The following RADIL variants were observed in gnomAD, a reference collection of about 807,000 sequenced individuals.
RADIL encodes the protein Rap associating with DIL domain, also known as ras-associating and dilute domain-containing protein.
Under a neutral mutation model 97.6 loss-of-function variants are expected in RADIL, and 99 were observed. The observed-to-expected ratio is 1.01, with a 90% CI of 0.86 to 1.20. The LOEUF is 1.20. Among genes scored for constraint, RADIL ranks in the 50% most tolerant of loss-of-function variants. RADIL has a pLI of 0.00. For missense variants in RADIL, 1,765 were observed against 1,498.9 expected, an observed-to-expected ratio of 1.18 and a Z score of -2.93; for synonymous variants, 803 against 691.8, an observed-to-expected ratio of 1.16 and a Z score of -2.52.
chr7:4,826,459 G>A (rs1283876782), intron 5 of RADIL, among the ~76,000 whole-genome samples: 3 of 152,078 alleles, frequency 2.0e-5, no homozygotes, highest in Non-Finnish European at 4.4e-5. Context: ...GAAGCCAGTT[G>A]TGATGGCTCA....
intron 9 of RADIL, among the ~76,000 whole-genome samples, chr7:4,812,414 CTATTTT>C (rs1368163520): frequency 2.0e-5 from 3 of 151,716 alleles, no homozygotes; most frequent in Non-Finnish European, 2.9e-5. Context: ...ATTCAACTTT[CTATTTT>C]TATTTTATTA....
chr7:4,861,858 T>TCACGTCCCCCACCAC (rs754500617), intron 2 of RADIL: 524 of 1,291,112 alleles, frequency 4.1e-4, no homozygotes, highest in Non-Finnish European at 4.7e-4. Flanking sequence ...ACCGCGACCT[T>TCACGTCCCCCACCAC]CGCGGCCGCC....
chr7:4,817,435 C>T lies in RADIL; in HGVS notation c.1616-84G>A. 8.0e-7 allele frequency: 1 copy of T among 1,246,842 alleles called. No homozygotes were observed. The highest frequency in any genetic ancestry group is 1.1e-6 in the Non-Finnish European group (1 of 895,530). The allele number at this position is 1,246,842 out of a possible 1,614,324, so 77.2% of individuals were successfully genotyped here. A position where few individuals can be genotyped will look rare whatever the true frequency, so the allele number is the denominator to read the frequency against. ...ACTCAGCCAGCCGCCAGCTCTTTCC[C>T]TGGCGCGGGCACCACCCAACGCGCC... On this transcript the variant is annotated intron_variant, in intron 6 of 14. Transcript: ENST00000399583. This position sits in a 1 kb window ranked among gnomAD's most constrained non-coding sequence, Gnocchi z 8.3.
At chr7:4,804,902 C>G (rs1241082315) in intron 10 of RADIL, among the ~76,000 whole-genome samples, 1 of 151,880 alleles carries the variant, frequency 6.6e-6, no homozygotes, top group African/African-American at 2.4e-5. Flanking sequence ...CGAGACCAGC[C>G]TGGCTAAGAT....
At chr7:4,862,013 G>C in intron 2 of RADIL, 1 of 431,856 alleles carries the variant, frequency 2.3e-6, no homozygotes, top group Non-Finnish European at 4.1e-6. Flanking sequence ...ACCCCTCAGC[G>C]GCTGCGTTCC....
chr7:4,861,587 T>C, intron 2 of RADIL: 1 of 1,611,848 alleles, frequency 6.2e-7, no homozygotes, highest in Non-Finnish European at 8.5e-7. Flanking sequence ...GCGTATCCAT[T>C]CCTTTACCAG....
chr7:4,803,441 C>A lies in RADIL; in HGVS notation c.2499+105G>T. 9 of 1,036,578 alleles carry A rather than the reference C, an allele frequency of 8.7e-6. No individual in the cohort carries two copies. The South Asian group carries it at 1.5e-4, about 18-fold the overall frequency. The allele number at this position is 1,036,578 out of a possible 1,614,324, so 64.2% of individuals were successfully genotyped here. A position where few individuals can be genotyped will look rare whatever the true frequency, so the allele number is the denominator to read the frequency against. Reference sequence around the variant, plus strand: ...CCCCCTCCCCGGGCACCTCGGGGCACGCTGGCTGGGTGGCCCCCTCCCCGG... The same window carrying A: ...CCCCCTCCCCGGGCACCTCGGGGCAAGCTGGCTGGGTGGCCCCCTCCCCGG... On this transcript the variant is annotated intron_variant, in intron 11 of 14. Transcript: ENST00000399583.
chr7:4,808,147 GTCCTTC>G (rs1782406268), intron 9 of RADIL, among the ~76,000 whole-genome samples: 1 of 74,598 alleles, frequency 1.3e-5, no homozygotes, highest in African/African-American at 6.1e-5. Context: ...TCTCTCCCCC[GTCCTTC>G]TCTCTCTCCC....
In RADIL at chr7:4,818,091, C is replaced by T. The variant is rs1782725844; in HGVS notation, c.1616-740G>A. On this transcript the variant is annotated intron_variant, in intron 6 of 14. Coordinates refer to ENST00000399583, the MANE Select transcript of RADIL (RefSeq NM_018059.5). This position sits in a 1 kb window ranked among gnomAD's most constrained non-coding sequence, Gnocchi z 7.1. ...CTCTCCTGGGACTGTGGGCGGCCAA[C>T]CACAGTGGTGTTCCCTGTCAGCCGC... Among the ~76,000 whole-genome samples the T allele has an allele frequency of 6.6e-6, 1 of 152,226 alleles. No individual in the cohort carries two copies. The highest frequency in any genetic ancestry group is 1.5e-5 in the Non-Finnish European group (1 of 68,030).
At position 4,837,379 on chromosome 7, in the gene RADIL, G is replaced by A. The variant is rs578111348; in HGVS notation, c.536-774C>T. Among the ~76,000 whole-genome samples, 3 of 152,314 alleles carry A rather than the reference G, an allele frequency of 2.0e-5. No individual in the cohort carries two copies. The East Asian group carries it at 5.8e-4, about 29-fold the overall frequency. On this transcript the variant is annotated intron_variant, in intron 2 of 14. Transcript: ENST00000399583. This position sits in a 1 kb window ranked among gnomAD's most constrained non-coding sequence, Gnocchi z 5.6. ...TCCCCTGGGGGTGGTGCTCTGACGA[G>A]ACGAGACGGACTGGTCAGCATCCTG...
intron 9 of RADIL, among the ~76,000 whole-genome samples, chr7:4,806,200 G>A (rs565749202): frequency 5.3e-5 from 8 of 152,294 alleles, no homozygotes; most frequent in Admixed American, 3.9e-4. Flanking sequence ...CGCAGGTTGG[G>A]GTGCAGTGGC....
rs1782663500 is a variant in RADIL, at chr7:4,815,825, G to A, written c.1967-375C>T. On this transcript the variant is annotated intron_variant, in intron 8 of 14. Coordinates refer to ENST00000399583, the MANE Select transcript of RADIL (RefSeq NM_018059.5). This position sits in a 1 kb window ranked among gnomAD's most constrained non-coding sequence, Gnocchi z 8.0. ...GTGGCCAGTGCTCCTGAGCCCTGCA[G>A]GTGATGGGGGAAGTCACTCCACAAG... 6.6e-6 allele frequency among the ~76,000 whole-genome samples: 1 copy of A among 152,150 alleles called. No homozygotes were observed. Among genetic ancestry groups the A allele is most frequent in the South Asian group, 2.1e-4 (1 of 4,832 alleles).
Position 4,872,310 on chromosome 7 carries a change from A to G in RADIL, c.535+5295T>C, listed in dbSNP as rs1045981424. Among the ~76,000 whole-genome samples the G allele has an allele frequency of 2.0e-5, 3 of 152,336 alleles. No individual in the cohort carries two copies. Among genetic ancestry groups the G allele is most frequent in the Admixed American group, 6.5e-5 (1 of 15,308 alleles). ...CCAGGGACACTGCTCATCGCCCTGC[A>G]ACCACGGACGCCTCCCTCAGCAAAG... On this transcript the variant is annotated intron_variant, in intron 2 of 14. Transcript: ENST00000399583. This position sits in a 1 kb window ranked among gnomAD's most constrained non-coding sequence, Gnocchi z 5.8.
chr7:4,812,380 A>G (rs909774808), intron 9 of RADIL, among the ~76,000 whole-genome samples: 1 of 152,100 alleles, frequency 6.6e-6, no homozygotes, highest in African/African-American at 2.4e-5. Flanking sequence ...TTTTTCTGAT[A>G]CTAGCAATTG....
intron 2 of RADIL, chr7:4,865,513 T>C (rs1039935821): frequency 5.1e-6 from 4 of 783,624 alleles, no homozygotes; most frequent in Non-Finnish European, 9.4e-6. Flanking sequence ...TTAGCAACTA[T>C]GCGCAGCCAA....
chr7:4,860,548 T>C (rs763052915), intron 2 of RADIL: 1 of 1,614,222 alleles, frequency 6.2e-7, no homozygotes, highest in Non-Finnish European at 8.5e-7. Flanking sequence ...GTGCTGGAAA[T>C]GACTGTGGAT....
rs1159842481 is a variant in RADIL, at chr7:4,809,034, C to T, written c.2140-3318G>A. The stretch of plus-strand genomic sequence containing the variant: ...CGCCACTGCCCCCCCTTGTCCCCTT[C>T]CGACGCCACTGCCCCCCCGTTCCAA... On this transcript the variant is annotated intron_variant, in intron 9 of 14. Transcript: ENST00000399583. 36 of 845,882 alleles carry T rather than the reference C, an allele frequency of 4.3e-5. 1 individual carries two copies. Among genetic ancestry groups the T allele is most frequent in the Non-Finnish European group, 4.9e-5 (35 of 717,134 alleles). The allele number at this position is 845,882 out of a possible 1,614,324, so 52.4% of individuals were successfully genotyped here. A position where few individuals can be genotyped will look rare whatever the true frequency, so the allele number is the denominator to read the frequency against.
rs34277804 is a variant in RADIL, at chr7:4,805,409, CGGG to C, written c.2290+154_2290+156del. ...TCCCCAGGTTGGGGATGGGGCGGGG[CGGG>C]GGGGTCCTCTGGGTGGAGGCTCCTC... is the stretch of plus-strand genomic sequence containing the variant. On this transcript the variant is annotated intron_variant, in intron 10 of 14. Coordinates refer to ENST00000399583, the MANE Select transcript of RADIL (RefSeq NM_018059.5). 4,395 of 477,548 alleles carry C rather than the reference CGGG, an allele frequency of 9.2e-3. 259 individuals carry two copies. In the Admixed American group the frequency reaches 0.16, roughly 17 times the overall value. 29.6% of individuals were successfully genotyped at this position (477,548 alleles called of 1,614,324 possible). A position where few individuals can be genotyped will look rare whatever the true frequency, so the allele number is the denominator to read the frequency against.
At chr7:4,862,903 A>T (rs1184025866) in intron 2 of RADIL, among the ~76,000 whole-genome samples, 1 of 151,686 alleles carries the variant, frequency 6.6e-6, no homozygotes, top group African/African-American at 2.4e-5. Flanking sequence ...GTCTCAAAAA[A>T]AAAAATAAAA....
Sources: allele counts gnomAD v4.1 joint callset (sites outside exome capture counted in the v4.1 genomes callset), GRCh38; gene constraint gnomAD v4.1.1; non-coding constraint Gnocchi (gnomAD v3.1); transcripts MANE v1.5; gene names NCBI Gene and HGNC (gene_info 2026-07-23, HGNC 2026-07-21).